Variants in GPR19 observed in about 807,000 individuals in gnomAD.
GPR19 encodes G protein-coupled receptor 19.
In GPR19, 14 loss-of-function variants were observed where a neutral mutation model predicts 28.5. The observed-to-expected ratio is 0.49, with a 90% CI of 0.32 to 0.77. GPR19 has a LOEUF of 0.77. Ranked by LOEUF, GPR19 falls within the 30% of genes least tolerant of loss-of-function variation. The pLI, the probability that GPR19 is intolerant of heterozygous loss-of-function variation, is 0.03. For missense variants in GPR19, 409 were observed against 504.1 expected (o/e 0.81, Z 1.81); for synonymous variants, 173 against 184.1 (o/e 0.94, Z 0.49).
chr12:12,702,758 G>A, the GPR19 span, among the ~76,000 whole-genome samples: 1 of 152,098 alleles, frequency 6.6e-6, no homozygotes, highest in South Asian at 2.1e-4. Context: ...GTTAAATAAT[G>A]GTCATAATGA....
chr12:12,690,085 CATA>C (rs1453152478), intron 2 of GPR19, among the ~76,000 whole-genome samples: 1 of 152,220 alleles, frequency 6.6e-6, no homozygotes, highest in Non-Finnish European at 1.5e-5. Context: ...GAAACTATGA[CATA>C]ATGTTTTTGT....
chr12:12,711,593 G>A, the GPR19 span, among the ~76,000 whole-genome samples: 1 of 152,134 alleles, frequency 6.6e-6, no homozygotes, highest in African/African-American at 2.4e-5. Flanking sequence ...TCATGTTGCT[G>A]GGCAGTTGTA....
the GPR19 span, among the ~76,000 whole-genome samples, chr12:12,702,310 G>C: frequency 6.6e-6 from 1 of 151,576 alleles, no homozygotes; most frequent in South Asian, 2.1e-4. Context: ...TATTCTATTA[G>C]GAATAGAATA....
intron 3 of GPR19, among the ~76,000 whole-genome samples, chr12:12,681,396 G>C (rs1188990943): frequency 1.3e-5 from 2 of 152,304 alleles, no homozygotes; most frequent in African/African-American, 2.4e-5. Context: ...CTCACCTCTA[G>C]GTTGAAATCA....
At chr12:12,705,032 G>A in the GPR19 span, among the ~76,000 whole-genome samples, 4 of 152,184 alleles carry the variant, frequency 2.6e-5, no homozygotes, top group African/African-American at 2.4e-5. Flanking sequence ...TAGAAGATCC[G>A]AGCAGATTAT....
At chr12:12,686,263 G>T (rs1946096545) in intron 2 of GPR19, among the ~76,000 whole-genome samples, 2 of 152,210 alleles carry the variant, frequency 1.3e-5, no homozygotes, top group Non-Finnish European at 2.9e-5. Flanking sequence ...GAAACTGAAG[G>T]TCCTTCCTGG....
At position 12,685,284 on chromosome 12, in the gene GPR19, G is replaced by C. The variant is rs1231037555; in HGVS notation, c.-179-777C>G. Among the ~76,000 whole-genome samples, 5 of 148,366 alleles carry C rather than the reference G, an allele frequency of 3.4e-5. No individual in the cohort carries two copies. In the East Asian group the frequency reaches 8.0e-4, roughly 24 times the overall value. ...TATGGTCTTTTTTTTTTTTTTGGTG[G>C]GGGGGAGGGAGATTCCTGTAACATA... On this transcript the variant is annotated intron_variant, in intron 2 of 3. Transcript: ENST00000651487.
the GPR19 span, among the ~76,000 whole-genome samples, chr12:12,709,554 C>T: frequency 6.6e-6 from 1 of 152,186 alleles, no homozygotes; most frequent in Non-Finnish European, 1.5e-5. Context: ...GATCCTCCAC[C>T]TCCACCTGTC....
intron 2 of GPR19, among the ~76,000 whole-genome samples, chr12:12,687,174 T>C (rs909004353): frequency 2.6e-5 from 4 of 152,222 alleles, no homozygotes; most frequent in African/African-American, 9.6e-5. Flanking sequence ...AGATAGTGTT[T>C]TGGCACTGTT....
At chr12:12,669,475 G>C (rs1337915559) in intron 3 of GPR19, among the ~76,000 whole-genome samples, 2 of 152,162 alleles carry the variant, frequency 1.3e-5, no homozygotes, top group South Asian at 4.1e-4. Context: ...AGATTTTAAG[G>C]TAAACCCTTC....
chr12:12,668,667 C>A (rs1462112201), intron 3 of GPR19, among the ~76,000 whole-genome samples: 2 of 139,974 alleles, frequency 1.4e-5, no homozygotes. Flanking sequence ...TGATTTTTTA[C>A]ATGATTTGGT....
chr12:12,664,919 C>CAAAAAAAA (rs746346681), intron 3 of GPR19, among the ~76,000 whole-genome samples: 22 of 31,108 alleles, frequency 7.1e-4, no homozygotes, highest in African/African-American at 2.0e-3. Context: ...GACGCCATCT[C>CAAAAAAAA]AAAAAAAAAA....
Position 12,661,070 on chromosome 12 carries a change from C to T in GPR19, c.*131G>A, listed in dbSNP as rs751606546. 1.5e-6 allele frequency: 1 copy of T among 647,046 alleles called. No individual in the cohort carries two copies. The highest frequency in any genetic ancestry group is 2.5e-6 in the Non-Finnish European group (1 of 397,922). The allele number at this position is 647,046 out of a possible 1,614,324, so 40.1% of individuals were successfully genotyped here. ...TAAAACCCACAAAAACTACAGTAAA[C>T]AAATGAATGCATTTTACAAAATAAA... On this transcript the variant is annotated 3_prime_UTR_variant, in exon 4 of 4. Coordinates refer to ENST00000651487, the MANE Select transcript of GPR19 (RefSeq NM_006143.3). This position sits in a 1 kb window ranked among gnomAD's most constrained non-coding sequence, Gnocchi z 4.2.
At position 12,664,941 on chromosome 12, in the gene GPR19, AAAAAAG is replaced by A. The variant is rs775978284; in HGVS notation, c.-22-2477_-22-2472del. ...TCTCAAAAAAAAAAAAAAAAAAAAAAAAAAAGAAATCAGGACATAAGATCTAAAATT... is the reference window on the plus strand; with the variant it reads ...TCTCAAAAAAAAAAAAAAAAAAAAAAAAATCAGGACATAAGATCTAAAATT... On this transcript the variant is annotated intron_variant, in intron 3 of 3. Transcript: ENST00000651487. 6.4e-3 allele frequency among the ~76,000 whole-genome samples: 711 copies of A among 110,610 alleles called. 52 individuals carry two copies. Among genetic ancestry groups the A allele is most frequent in the Non-Finnish European group, 8.0e-3 (378 of 47,304 alleles). The allele number at this position is 110,610 out of a possible 152,430, so 72.6% of individuals were successfully genotyped here. A position where few individuals can be genotyped will look rare whatever the true frequency, so the allele number is the denominator to read the frequency against.
intron 3 of GPR19, among the ~76,000 whole-genome samples, chr12:12,672,818 A>G (rs575353686): frequency 6.6e-6 from 1 of 152,306 alleles, no homozygotes; most frequent in Non-Finnish European, 1.5e-5. Context: ...AATAGTCTTC[A>G]ATCATAACAT....
At chr12:12,705,436 C>T in the GPR19 span, among the ~76,000 whole-genome samples, 1 of 152,200 alleles carries the variant, frequency 6.6e-6, no homozygotes, top group Non-Finnish European at 1.5e-5. Flanking sequence ...CTAAGCAGAA[C>T]ATTTGCCAGT....
chr12:12,701,751 C>T, the GPR19 span, among the ~76,000 whole-genome samples: 1 of 151,862 alleles, frequency 6.6e-6, no homozygotes, highest in Non-Finnish European at 1.5e-5. Flanking sequence ...AGCAACATGG[C>T]GAAATCCTGG....
chr12:12,700,159 CTT>C (rs1491352845), upstream of GPR19, among the ~76,000 whole-genome samples: 14 of 31,366 alleles, frequency 4.5e-4, no homozygotes, highest in East Asian at 0.018. Context: ...CTCTCTCTTT[CTT>C]TCTCTCTCTC....
intron 2 of GPR19, among the ~76,000 whole-genome samples, chr12:12,689,807 C>G (rs981604201): frequency 2.0e-5 from 3 of 152,194 alleles, no homozygotes; most frequent in South Asian, 2.1e-4. Context: ...CTACCTGGCT[C>G]TCACCTTCTT....
Sources: allele counts gnomAD v4.1 joint callset (sites outside exome capture counted in the v4.1 genomes callset), GRCh38; gene constraint gnomAD v4.1.1; non-coding constraint Gnocchi (gnomAD v3.1); transcripts MANE v1.5; gene names NCBI Gene and HGNC (gene_info 2026-07-23, HGNC 2026-07-21).